The following CDH23 variants were observed in gnomAD, a reference collection of about 807,000 sequenced individuals.
CDH23 encodes the protein cadherin related 23, also known as cadherin-23.
A neutral mutation model predicts 317.1 loss-of-function variants in CDH23; 189 were observed. That is an observed-to-expected ratio of 0.60 (90% confidence interval 0.53 to 0.67). The LOEUF (loss-of-function observed/expected upper bound fraction) is 0.67, where lower values mean the gene tolerates loss of function less well. Ranked by LOEUF, CDH23 falls within the 30% of genes least tolerant of loss-of-function variation. CDH23 has a pLI of 0.00. For missense variants in CDH23, 4,401 were observed against 4,592.4 expected (o/e 0.96, Z 1.20); for synonymous variants, 1,839 against 1,876.8 (o/e 0.98, Z 0.52).
intron 56 of CDH23, 43 bp downstream of exon 56, chr10:71,806,040 G>A: frequency 6.5e-7 from 1 of 1,536,046 alleles, no homozygotes; most frequent in Non-Finnish European, 8.8e-7. Context: ...CTGGGGCGGG[G>A]CTTTCTTCTG....
chr10:71,621,711 C>A (rs1283586283), intron 11 of CDH23, among the ~76,000 whole-genome samples: 2 of 152,194 alleles, frequency 1.3e-5, no homozygotes, highest in African/African-American at 4.8e-5. Context: ...GGCAGTCTCT[C>A]CTAATGAGGA....
chr10:71,775,219 A>T (rs1190764292), intron 38 of CDH23, among the ~76,000 whole-genome samples: 1 of 152,088 alleles, frequency 6.6e-6, no homozygotes, highest in Non-Finnish European at 1.5e-5. Context: ...TCACCCTGAC[A>T]TCCTCTGGCA....
chr10:71,632,268 G>A lies in CDH23; in HGVS notation c.1135-11593G>A, dbSNP rs750818769. ...AGATAGCCCCATCCTTCTCTCCACC[G>A]TCATTAAATCAGCAAGTGCGTAATT... On this transcript the variant is annotated intron_variant, in intron 11 of 69. Transcript: ENST00000224721. 4.6e-5 allele frequency among the ~76,000 whole-genome samples: 7 copies of A among 152,238 alleles called. No individual in the cohort carries two copies. The East Asian group carries it at 5.8e-4, about 13-fold the overall frequency.
intron 28 of CDH23, chr10:71,713,145 G>A: frequency 2.6e-6 from 2 of 779,018 alleles, no homozygotes; most frequent in Non-Finnish European, 4.8e-6. Context: ...TCCCGGAAAG[G>A]AGTTGAGAAG....
chr10:71,659,611 G>A (rs1263190357), intron 14 of CDH23, among the ~76,000 whole-genome samples: 4 of 152,094 alleles, frequency 2.6e-5, no homozygotes, highest in Non-Finnish European at 4.4e-5. Flanking sequence ...ATACTCACAC[G>A]GACACTTATC....
chr10:71,659,525 C>G (rs1422217921), intron 14 of CDH23, among the ~76,000 whole-genome samples: 1 of 152,168 alleles, frequency 6.6e-6, no homozygotes, highest in African/African-American at 2.4e-5. Context: ...TGGTTCCTAC[C>G]AGCTTGTTTC....
Position 71,695,484 on chromosome 10 carries a change from A to C in CDH23, c.2356A>C (p.Asn786His), listed in dbSNP as rs772419234. The C allele has an allele frequency of 6.2e-7, 1 of 1,613,564 alleles. No homozygotes were observed. The highest frequency in any genetic ancestry group is 1.7e-5 in the Admixed American group (1 of 60,024). ...PTWKDAPYYI[N>H]LVEMTPPDSD... Reference sequence around the variant, plus strand: ...GTGGAAGGACGCACCCTACTACATCAACCTGGTGGAGATGACCCCTCCAGA... The same window carrying C: ...GTGGAAGGACGCACCCTACTACATCCACCTGGTGGAGATGACCCCTCCAGA... The change falls in exon 22 of 70, where the codon AAC (asparagine) becomes CAC (histidine). Residue 786 changes from asparagine to histidine, a missense_variant. This residue lies in a region of CDH23 where 3,068 missense variants were observed against 3,203.3 expected (regional missense o/e 0.96). Transcript: ENST00000224721.
At chr10:71,722,475 T>C (rs1398904592) in intron 28 of CDH23, among the ~76,000 whole-genome samples, 1 of 152,166 alleles carries the variant, frequency 6.6e-6, no homozygotes, top group Non-Finnish European at 1.5e-5. Flanking sequence ...GCCTAGTTCC[T>C]CTCCCTGGAG....
In CDH23 at chr10:71,615,542, G is replaced by T. The variant is rs767343063; in HGVS notation, c.871G>T (p.Gly291Ter). The change falls in exon 10 of 70, where the codon GGA (glycine) becomes TGA (stop). Residue 291 changes from glycine to a stop codon, truncating the protein, a stop_gained. Transcript: ENST00000224721. LOFTEE classifies it high-confidence loss of function. The stretch of plus-strand genomic sequence containing the variant: ...CATCTTTGCCCTGGACTACATCAGC[G>T]GAGTGCTGACCTTGAATGGCCTGCT... ...NSIFALDYIS[G>*]VLTLNGLLDR... 6 of 1,613,576 alleles carry T rather than the reference G, an allele frequency of 3.7e-6. No homozygotes were observed. The highest frequency in any genetic ancestry group is 5.1e-6 in the Non-Finnish European group (6 of 1,179,802).
chr10:71,795,937 T>C lies in CDH23; in HGVS notation c.6713-1167T>C, dbSNP rs1017573081. On this transcript the variant is annotated intron_variant, in intron 48 of 69. Transcript: ENST00000224721. ...CACCACACCCCCACCACCCTTCCTG[T>C]CCTGTGGGGCCTGGGCCAAGGCCGT... 10 of 986,050 alleles carry C rather than the reference T, an allele frequency of 1.0e-5. No homozygotes were observed. The Admixed American group carries it at 2.5e-4, about 24-fold the overall frequency. 61.1% of individuals were successfully genotyped at this position (986,050 alleles called of 1,614,324 possible). A position where few individuals can be genotyped will look rare whatever the true frequency, so the allele number is the denominator to read the frequency against.
intron 18 of CDH23, among the ~76,000 whole-genome samples, chr10:71,684,281 C>A (rs1179809130): frequency 6.6e-6 from 1 of 152,162 alleles, no homozygotes; most frequent in Admixed American, 6.5e-5. Flanking sequence ...TTGACCACAG[C>A]CCCCAAGCCT....
At chr10:71,701,882 A>G (rs2132730661) in intron 22 of CDH23, 140 bp from the exon 23 acceptor site, 3 of 833,468 alleles carry the variant, frequency 3.6e-6, no homozygotes, top group Non-Finnish European at 3.8e-6. Context: ...TACCGGGCCC[A>G]GCGGGGATGC....
intron 3 of CDH23, among the ~76,000 whole-genome samples, chr10:71,462,189 G>A (rs182200491): frequency 2.0e-5 from 3 of 152,228 alleles, no homozygotes; most frequent in South Asian, 4.1e-4. Flanking sequence ...CCCGGGAGGC[G>A]AGGTGCTGAG....
rs142270010 is a variant in CDH23, at chr10:71,431,771, C to A, written c.-5-8056C>A. Among the ~76,000 whole-genome samples the A allele has an allele frequency of 4.0e-3, 610 of 152,318 alleles. 5 individuals carry two copies. Among genetic ancestry groups the A allele is most frequent in the African/African-American group, 0.014 (574 of 41,570 alleles). The stretch of plus-strand genomic sequence containing the variant: ...CCTGCTCTATTCTCTCATGTCCCCC[C>A]CTGCCTGCTAGGCCAGGAGGCGTTG... On this transcript the variant is annotated intron_variant, in intron 1 of 69. Transcript: ENST00000224721.
chr10:71,567,022 G>C (rs1857449062), intron 7 of CDH23, 86 bp downstream of exon 7: 1 of 1,239,012 alleles, frequency 8.1e-7, no homozygotes, highest in East Asian at 2.5e-5. Flanking sequence ...ATGGGACATT[G>C]ACCCAGTGGC....
chr10:71,579,467 G>A (rs1188418462), intron 9 of CDH23, among the ~76,000 whole-genome samples: 3 of 152,164 alleles, frequency 2.0e-5, no homozygotes, highest in Non-Finnish European at 4.4e-5. Context: ...CAAAATGAAT[G>A]AATGTCACTC....
chr10:71,456,444 T>C (rs1850701545), intron 3 of CDH23, among the ~76,000 whole-genome samples: 1 of 142,598 alleles, frequency 7.0e-6, no homozygotes. Flanking sequence ...TCCTTTGGGC[T>C]GTAGCCACTC....
chr10:71,729,090 C>T (rs890595099), intron 30 of CDH23, among the ~76,000 whole-genome samples: 1 of 152,172 alleles, frequency 6.6e-6, no homozygotes, highest in South Asian at 2.1e-4. Flanking sequence ...CCACTTCAAC[C>T]TCCCAAATTT....
At chr10:71,559,252 C>T (rs1292690921) in intron 6 of CDH23, among the ~76,000 whole-genome samples, 1 of 152,162 alleles carries the variant, frequency 6.6e-6, no homozygotes, top group Non-Finnish European at 1.5e-5. Flanking sequence ...GTTCTTTTTG[C>T]CCTTGTGGAT....
Sources: gnomAD v4.1 joint callset for allele counts (sites outside exome capture counted in the v4.1 genomes callset) on GRCh38, gnomAD v4.1.1 for gene constraint, gnomAD v4.1.1 regional missense constraint, MANE v1.5 for transcripts, NCBI Gene and HGNC (gene_info 2026-07-23, HGNC 2026-07-21) for gene names.